Variants in COL9A1 observed in about 807,000 individuals in gnomAD.
COL9A1 encodes collagen alpha-1(IX) chain.
COL9A1 carries 104 observed loss-of-function variants against 142.6 expected under a neutral mutation model. That is an observed-to-expected ratio of 0.73 (90% CI 0.62 to 0.86). The LOEUF (loss-of-function observed/expected upper bound fraction) is 0.86. Among genes scored for constraint, COL9A1 ranks in the 40% least tolerant of loss-of-function variants. The pLI, the probability that COL9A1 is intolerant of heterozygous loss-of-function variation, is 0.00. For missense variants in COL9A1, 1,210 were observed against 1,176.6 expected (o/e 1.03, Z -0.42); for synonymous variants, 466 against 396.0 (o/e 1.18, Z -2.10).
chr6:70,302,917 G>T lies in COL9A1; in HGVS notation c.8C>A (p.Thr3Asn). Residue 3 changes from threonine (T) to asparagine (N), a missense_variant, in exon 1 of 38, where the codon ACC becomes AAC. Transcript: ENST00000357250. MKTCWKIPVFFFV... is the reference protein window; with the variant it reads MKNCWKIPVFFFV... ...TCCAGGGTTATTGTCTTACCAGCAG[G>T]TCTTCATTTTCCCAGTTGATTTTCT... The T allele has an allele frequency of 6.2e-7, 1 of 1,614,012 alleles. No homozygotes were observed. Among genetic ancestry groups the T allele is most frequent in the Non-Finnish European group, 8.5e-7 (1 of 1,179,952 alleles).
At chr6:70,278,949 G>A (rs1315194895) in intron 10 of COL9A1, among the ~76,000 whole-genome samples, 3 of 152,158 alleles carry the variant, frequency 2.0e-5, no homozygotes, top group Admixed American at 2.0e-4. Flanking sequence ...TAAATTGGGG[G>A]ACAGATAAGT....
chr6:70,280,238 T>C (rs550482106), intron 10 of COL9A1: 7 of 1,186,118 alleles, frequency 5.9e-6, no homozygotes, highest in Non-Finnish European at 7.5e-6. Context: ...AAAAACTCCA[T>C]GGAAAGACGA....
Position 70,302,960 on chromosome 6 carries a change from CTA to C in COL9A1, c.-38_-37del. The stretch of plus-strand genomic sequence containing the variant: ...GATTTTCTTTGTTTGCCAACAGTCC[CTA>C]TGAAGAAGGGGTTGGAAGGGAGTCA... On this transcript the variant is annotated 5_prime_UTR_variant, in exon 1 of 38. Transcript: ENST00000357250. 1 of 1,612,026 alleles carries C rather than the reference CTA, an allele frequency of 6.2e-7. No individual in the cohort carries two copies. The highest frequency in any genetic ancestry group is 8.5e-7 in the Non-Finnish European group (1 of 1,178,072).
At chr6:70,262,117 T>C (rs1771728849) in intron 19 of COL9A1, among the ~76,000 whole-genome samples, 1 of 151,994 alleles carries the variant, frequency 6.6e-6, no homozygotes, top group African/African-American at 2.4e-5. Flanking sequence ...ATGGCTTTTA[T>C]AAAATTTTTT....
chr6:70,278,714 T>C (rs919017151), intron 10 of COL9A1, among the ~76,000 whole-genome samples: 5 of 152,266 alleles, frequency 3.3e-5, no homozygotes, highest in African/African-American at 9.6e-5. Flanking sequence ...ATTTGAAATC[T>C]GGTTTATGCT....
intron 6 of COL9A1, 120 bp downstream of exon 6, chr6:70,283,617 T>G: frequency 1.3e-6 from 1 of 780,972 alleles, no homozygotes; most frequent in Non-Finnish European, 2.3e-6. Context: ...AAGCACAGGC[T>G]CTCTTAGCGA....
At chr6:70,234,655 T>A in intron 34 of COL9A1, 62 bp from the exon 35 acceptor site, 1 of 1,609,346 alleles carries the variant, frequency 6.2e-7, no homozygotes, top group South Asian at 1.1e-5. Context: ...CATTGTTAAG[T>A]TGTAAACTGA....
chr6:70,300,487 A>G (rs1024816835), intron 2 of COL9A1, 101 bp from the exon 3 acceptor site: 4 of 504,932 alleles, frequency 7.9e-6, no homozygotes, highest in Non-Finnish European at 1.2e-5. Context: ...TAAAATTTAG[A>G]ACCAGAAAAT....
chr6:70,300,009 A>G (rs192441534), intron 4 of COL9A1, 34 bp downstream of exon 4: 285 of 1,596,722 alleles, frequency 1.8e-4, no homozygotes, highest in Non-Finnish European at 9.4e-6. Flanking sequence ...CATTTGAGTC[A>G]GATAATTAGA....
intron 4 of COL9A1, among the ~76,000 whole-genome samples, chr6:70,298,525 G>C (rs572918756): frequency 6.6e-6 from 1 of 152,192 alleles, no homozygotes; most frequent in African/African-American, 2.4e-5. Context: ...TAGTCCTTAT[G>C]GGGGCAGGGA....
intron 32 of COL9A1, among the ~76,000 whole-genome samples, chr6:70,240,027 G>A (rs912859348): frequency 6.6e-6 from 1 of 152,056 alleles, no homozygotes; most frequent in Non-Finnish European, 1.5e-5. Flanking sequence ...CTCTAAAACT[G>A]TTTTCTGAAA....
chr6:70,293,143 G>A lies in COL9A1; in HGVS notation c.696+1024C>T, dbSNP rs73475880. Among the ~76,000 whole-genome samples, 730 of 152,230 alleles carry A rather than the reference G, an allele frequency of 4.8e-3. 5 individuals carry two copies. Among genetic ancestry groups the A allele is most frequent in the African/African-American group, 0.015 (618 of 41,532 alleles). On this transcript the variant is annotated intron_variant, in intron 5 of 37. Coordinates refer to ENST00000357250, the MANE Select transcript of COL9A1 (RefSeq NM_001851.6). ...TCATTGTATCACCCTGCTACACTCCGTGATATGGGTTTTGTGACTAGAATT... is the reference window on the plus strand; with the variant it reads ...TCATTGTATCACCCTGCTACACTCCATGATATGGGTTTTGTGACTAGAATT...
chr6:70,300,454 A>G (rs997359574), intron 2 of COL9A1, 68 bp from the exon 3 acceptor site: 29 of 605,632 alleles, frequency 4.8e-5, no homozygotes, highest in Non-Finnish European at 6.5e-5. Flanking sequence ...TAATAAAATA[A>G]AATAAAATAA....
At chr6:70,263,110 C>T (rs761616302) in intron 19 of COL9A1, 134 bp downstream of exon 19, 49 of 638,400 alleles carry the variant, frequency 7.7e-5, no homozygotes, top group Non-Finnish European at 1.2e-4. Context: ...CCAGTGCTGG[C>T]GTGGTGGAAA....
At chr6:70,282,034 C>A (rs906056187) in intron 7 of COL9A1, among the ~76,000 whole-genome samples, 1 of 152,136 alleles carries the variant, frequency 6.6e-6, no homozygotes, top group African/African-American at 2.4e-5. Flanking sequence ...CCCTCAGTCC[C>A]TTGAATTAGG....
Position 70,300,291 on chromosome 6 carries a change from G to T in COL9A1, c.166+18C>A, listed in dbSNP as rs762559653. 1.2e-5 allele frequency: 20 copies of T among 1,609,426 alleles called. No individual in the cohort carries two copies. In the South Asian group the frequency reaches 2.0e-4, roughly 16 times the overall value. ...TTATAGAAAGCATGCATTTTCAATA[G>T]GGTACATTGCTACTCACCTGGTAAG... On this transcript the variant is annotated intron_variant, in intron 3 of 37. Coordinates refer to ENST00000357250, the MANE Select transcript of COL9A1 (RefSeq NM_001851.6).
rs1268349033 is a variant in COL9A1, at chr6:70,294,677, G to A, written c.300-114C>T. 19 of 996,840 alleles carry A rather than the reference G, an allele frequency of 1.9e-5. 1 individual carries two copies. Among genetic ancestry groups the A allele is most frequent in the Non-Finnish European group, 3.0e-5 (19 of 640,124 alleles). The allele number at this position is 996,840 out of a possible 1,614,324, so 61.7% of individuals were successfully genotyped here. On this transcript the variant is annotated intron_variant, in intron 4 of 37. Transcript: ENST00000357250. ...GCCAGACCTATAGAAAAGCTACAGT[G>A]TAAAAACCTATGTACCGTTTGTTCT... is the stretch of plus-strand genomic sequence containing the variant.
In COL9A1 at chr6:70,241,974, T is replaced by G. The variant is rs769962925; in HGVS notation, c.1988A>C (p.Lys663Thr). The G allele has an allele frequency of 6.3e-7, 1 of 1,595,376 alleles. No individual in the cohort carries two copies. The highest frequency in any genetic ancestry group is 8.6e-7 in the Non-Finnish European group (1 of 1,169,478). The change falls in exon 30 of 38, where the codon AAA becomes ACA. Residue 663 changes from lysine to threonine, a missense_variant. By Grantham distance (78) the Lys-to-Thr change is moderately conservative (BLOSUM62 -1). Transcript: ENST00000357250. ...LPGPPGLPGM[K>T]GDRGVVGEPG... ...TGCTGGAGCTCTTACCCTGTCACCT[T>G]TCATTCCAGGAAGTCCAGGGGGCCC... is the stretch of plus-strand genomic sequence containing the variant.
At chr6:70,278,338 T>C (rs1186305851) in intron 10 of COL9A1, among the ~76,000 whole-genome samples, 1 of 152,202 alleles carries the variant, frequency 6.6e-6, no homozygotes, top group Non-Finnish European at 1.5e-5. Context: ...CTGGACTATT[T>C]TGTTATCTTA....
Sources: gnomAD v4.1 joint callset for allele counts (sites outside exome capture counted in the v4.1 genomes callset) on GRCh38, gnomAD v4.1.1 for gene constraint, MANE v1.5 for transcripts, NCBI Gene and HGNC (gene_info 2026-07-23, HGNC 2026-07-21) for gene names.